The following PPP2R2B variants were observed in gnomAD, a reference collection of about 807,000 sequenced individuals.
PPP2R2B encodes the protein protein phosphatase 2 regulatory subunit Bbeta, also known as serine/threonine-protein phosphatase 2A 55 kDa regulatory subunit B beta isoform.
PPP2R2B carries 5 observed loss-of-function variants against 46.0 expected under a neutral mutation model. The ratio of observed to expected loss-of-function variants is 0.11; its 90% CI spans 0.06 to 0.23. PPP2R2B has a LOEUF of 0.23. Among genes scored for constraint, PPP2R2B ranks in the 10% least tolerant of loss-of-function variants. PPP2R2B has a pLI of 1.00. For missense variants in PPP2R2B, 367 were observed against 575.0 expected (o/e 0.64, Z 3.70); for synonymous variants, 215 against 206.7 (o/e 1.04, Z -0.34).
chr5:146,684,770 CTCAAAGTGTGG>C (rs1352226065), intron 5 of PPP2R2B, among the ~76,000 whole-genome samples: 2 of 152,142 alleles, frequency 1.3e-5, no homozygotes, highest in Non-Finnish European at 2.9e-5. Context: ...TCCATGATTT[CTCAAAGTGTGG>C]TCCAGGGACC....
At chr5:146,943,395 A>G (rs1325253924) in intron 1 of PPP2R2B, among the ~76,000 whole-genome samples, 1 of 152,202 alleles carries the variant, frequency 6.6e-6, no homozygotes, top group Non-Finnish European at 1.5e-5. Context: ...GAGCCATGGT[A>G]ATAAGCAGTA....
intron 2 of PPP2R2B, among the ~76,000 whole-genome samples, chr5:146,725,800 T>G (rs944406998): frequency 2.6e-5 from 4 of 152,234 alleles, no homozygotes; most frequent in Admixed American, 6.5e-5. Context: ...ATTTATCACA[T>G]GTACTTACTA....
intron 2 of PPP2R2B, among the ~76,000 whole-genome samples, chr5:146,846,318 G>T (rs940196172): frequency 6.6e-6 from 1 of 151,754 alleles, no homozygotes; most frequent in Non-Finnish European, 1.5e-5. Flanking sequence ...GGCAGAGGTT[G>T]CAGTGAGCCA....
At chr5:146,821,991 C>T (rs1173218182) in intron 2 of PPP2R2B, among the ~76,000 whole-genome samples, 1 of 152,078 alleles carries the variant, frequency 6.6e-6, no homozygotes, top group African/African-American at 2.4e-5. Flanking sequence ...AATCCGTGGC[C>T]CAAGTAAGAC....
intron 1 of PPP2R2B, among the ~76,000 whole-genome samples, chr5:146,983,468 CTG>C (rs1753279476): frequency 6.6e-6 from 1 of 152,222 alleles, no homozygotes; most frequent in Non-Finnish European, 1.5e-5. Flanking sequence ...GCGTGAGCCA[CTG>C]CACCCGGCCC....
chr5:147,012,521 A>G (rs1422478270), intron 1 of PPP2R2B, among the ~76,000 whole-genome samples: 1 of 152,110 alleles, frequency 6.6e-6, no homozygotes, highest in Non-Finnish European at 1.5e-5. Context: ...GATCCTTTCA[A>G]AAAACCAGCT....
chr5:146,794,774 A>G (rs751507891), intron 2 of PPP2R2B, among the ~76,000 whole-genome samples: 1 of 152,154 alleles, frequency 6.6e-6, no homozygotes, highest in Non-Finnish European at 1.5e-5. Context: ...AACAGCCCTT[A>G]TGAATTGTCT....
At chr5:147,003,470 G>A (rs2151871090) in intron 1 of PPP2R2B, among the ~76,000 whole-genome samples, 1 of 152,262 alleles carries the variant, frequency 6.6e-6, no homozygotes, top group Admixed American at 6.5e-5. Flanking sequence ...ATATCCTACA[G>A]GGTCTAGGGC....
chr5:146,613,692 C>T (rs1772850411), intron 7 of PPP2R2B, among the ~76,000 whole-genome samples: 1 of 129,838 alleles, frequency 7.7e-6, no homozygotes, highest in Admixed American at 7.8e-5. Context: ...CACAAGCATT[C>T]TTATACACCA....
chr5:147,039,642 A>G (rs1365102267), intron 1 of PPP2R2B, among the ~76,000 whole-genome samples: 1 of 152,200 alleles, frequency 6.6e-6, no homozygotes, highest in Non-Finnish European at 1.5e-5. Context: ...AGGAGGACCA[A>G]TTTGAAGGCA....
intron 1 of PPP2R2B, among the ~76,000 whole-genome samples, chr5:146,923,190 T>G (rs759860630): frequency 1.3e-4 from 20 of 152,178 alleles, no homozygotes; most frequent in Non-Finnish European, 2.8e-4. Context: ...TCTCAATATA[T>G]CTAGGTGACA....
intron 2 of PPP2R2B, among the ~76,000 whole-genome samples, chr5:146,876,526 C>G (rs191187728): frequency 8.1e-4 from 124 of 152,324 alleles, no homozygotes; most frequent in African/African-American, 2.9e-3. Flanking sequence ...TAGTCATGTG[C>G]TATCAGGTCA....
At chr5:146,873,240 G>A (rs374856932) in intron 2 of PPP2R2B, among the ~76,000 whole-genome samples, 56 of 152,206 alleles carry the variant, frequency 3.7e-4, no homozygotes, top group African/African-American at 1.3e-3. Flanking sequence ...TCTCTATTAC[G>A]TATCTTAAAT....
At chr5:146,618,061 C>T (rs958120900) in intron 7 of PPP2R2B, among the ~76,000 whole-genome samples, 1 of 152,108 alleles carries the variant, frequency 6.6e-6, no homozygotes, top group East Asian at 1.9e-4. Context: ...TATGTCTACA[C>T]CCTAATCCCT....
At chr5:146,753,059 T>A (rs1753647198) in intron 2 of PPP2R2B, among the ~76,000 whole-genome samples, 1 of 152,076 alleles carries the variant, frequency 6.6e-6, no homozygotes, top group African/African-American at 2.4e-5. Flanking sequence ...AGAAACACAT[T>A]TTGGCAAAAG....
intron 2 of PPP2R2B, among the ~76,000 whole-genome samples, chr5:146,801,684 A>G (rs1561918333): frequency 6.6e-6 from 1 of 152,124 alleles, no homozygotes; most frequent in African/African-American, 2.4e-5. Flanking sequence ...TTATTCACTC[A>G]CCCATAAAAT....
At chr5:146,651,493 A>G (rs1304194821) in intron 5 of PPP2R2B, among the ~76,000 whole-genome samples, 2 of 152,226 alleles carry the variant, frequency 1.3e-5, no homozygotes, top group Non-Finnish European at 2.9e-5. Context: ...AGAATCGGCA[A>G]CTAAATAGTT....
At chr5:146,747,912 G>A (rs185147656) in intron 2 of PPP2R2B, among the ~76,000 whole-genome samples, 2 of 152,222 alleles carry the variant, frequency 1.3e-5, no homozygotes, top group East Asian at 3.9e-4. Flanking sequence ...TACGAAGGGT[G>A]ATATGAACTG....
At chr5:147,038,281 C>A (rs968120584) in intron 1 of PPP2R2B, among the ~76,000 whole-genome samples, 2 of 151,940 alleles carry the variant, frequency 1.3e-5, no homozygotes, top group East Asian at 1.9e-4. Flanking sequence ...TAAGTAAATG[C>A]GTAACATGAA....
Sources: allele counts gnomAD v4.1 joint callset (sites outside exome capture counted in the v4.1 genomes callset), GRCh38; gene constraint gnomAD v4.1.1; transcripts MANE v1.5; gene names NCBI Gene and HGNC (gene_info 2026-07-23, HGNC 2026-07-21).